The following CTNND2 variants were observed in gnomAD, a reference collection of about 807,000 sequenced individuals.
CTNND2 encodes catenin delta-2.
In CTNND2, 22 loss-of-function variants were observed where a neutral mutation model predicts 144.4. That is an observed-to-expected ratio of 0.15 (90% CI 0.11 to 0.22). The LOEUF is 0.22. Among genes scored for constraint, CTNND2 ranks in the 10% least tolerant of loss-of-function variants. The probability of loss-of-function intolerance (pLI) is 1.00; values close to 1 mark genes in which losing one functional copy is unlikely to be tolerated. For missense variants in CTNND2, 1,353 were observed against 1,618.8 expected (o/e 0.84, Z 2.82); for synonymous variants, 751 against 695.6 (o/e 1.08, Z -1.25).
intron 9 of CTNND2, among the ~76,000 whole-genome samples, chr5:11,263,684 C>A (rs1561117128): frequency 6.6e-6 from 1 of 152,166 alleles, no homozygotes; most frequent in South Asian, 2.1e-4. Flanking sequence ...CCAGTATGAG[C>A]CTTGAATTCA....
intron 16 of CTNND2, among the ~76,000 whole-genome samples, chr5:11,079,414 G>A (rs996725375): frequency 1.3e-5 from 2 of 152,180 alleles, no homozygotes; most frequent in Admixed American, 1.3e-4. Context: ...AACACCAGAT[G>A]CCTACCAGCC....
intron 2 of CTNND2, among the ~76,000 whole-genome samples, chr5:11,616,530 C>G (rs1386992322): frequency 6.6e-6 from 1 of 151,858 alleles, no homozygotes; most frequent in Non-Finnish European, 1.5e-5. Flanking sequence ...TTCCTTGCTT[C>G]CTTCCTTCCT....
At chr5:11,870,621 G>A (rs1307962928) in intron 1 of CTNND2, among the ~76,000 whole-genome samples, 4 of 152,220 alleles carry the variant, frequency 2.6e-5, no homozygotes, top group Non-Finnish European at 5.9e-5. Flanking sequence ...CTTTTACAGA[G>A]CAAAGCAAGA....
intron 18 of CTNND2, among the ~76,000 whole-genome samples, chr5:11,017,562 A>G (rs1286608933): frequency 7.0e-6 from 1 of 142,890 alleles, no homozygotes; most frequent in Admixed American, 7.0e-5. Context: ...AGATATATAT[A>G]CATATATATA....
intron 3 of CTNND2, among the ~76,000 whole-genome samples, chr5:11,525,041 T>C (rs987134459): frequency 6.6e-6 from 1 of 152,216 alleles, no homozygotes; most frequent in East Asian, 1.9e-4. Context: ...AAGCAGGCTG[T>C]CTGAAGAAGC....
intron 1 of CTNND2, among the ~76,000 whole-genome samples, chr5:11,747,698 C>A (rs1329766754): frequency 1.3e-5 from 2 of 152,078 alleles, no homozygotes; most frequent in Non-Finnish European, 2.9e-5. Flanking sequence ...AGATTTACAT[C>A]ATAAAATCTG....
At chr5:10,982,091 G>C (rs1353710690) in intron 20 of CTNND2, among the ~76,000 whole-genome samples, 3 of 152,158 alleles carry the variant, frequency 2.0e-5, no homozygotes, top group Non-Finnish European at 4.4e-5. Flanking sequence ...CACAGACAGG[G>C]TCAGGGCAGA....
intron 3 of CTNND2, among the ~76,000 whole-genome samples, chr5:11,512,026 T>G (rs553018959): frequency 6.6e-6 from 1 of 152,302 alleles, no homozygotes; most frequent in East Asian, 1.9e-4. Flanking sequence ...ACTCCTTTAT[T>G]CATTCGAATT....
chr5:11,513,229 C>T (rs575128673), intron 3 of CTNND2, among the ~76,000 whole-genome samples: 11 of 152,246 alleles, frequency 7.2e-5, no homozygotes, highest in South Asian at 2.1e-4. Context: ...AGCTGCAAGA[C>T]GGTGCATGGG....
intron 1 of CTNND2, among the ~76,000 whole-genome samples, chr5:11,775,315 A>G (rs1790191374): frequency 6.6e-6 from 1 of 152,224 alleles, no homozygotes; most frequent in Non-Finnish European, 1.5e-5. Context: ...TATTAGCTAC[A>G]GGACCTTGGA....
intron 9 of CTNND2, among the ~76,000 whole-genome samples, chr5:11,307,619 A>C (rs929615140): frequency 2.6e-5 from 4 of 152,210 alleles, no homozygotes; most frequent in African/African-American, 9.6e-5. Context: ...GGGCTCATGA[A>C]ACAATTTTCT....
chr5:11,477,401 T>C (rs1031135609), intron 3 of CTNND2, among the ~76,000 whole-genome samples: 2 of 150,606 alleles, frequency 1.3e-5, no homozygotes, highest in African/African-American at 4.9e-5. Flanking sequence ...TTTGGTGGTG[T>C]TGTTTTTGTT....
chr5:11,532,727 C>A (rs1230085186), intron 3 of CTNND2, among the ~76,000 whole-genome samples: 1 of 151,990 alleles, frequency 6.6e-6, no homozygotes, highest in Non-Finnish European at 1.5e-5. Flanking sequence ...TCAAGAAGGG[C>A]CTTAAAGAAA....
In CTNND2 at chr5:11,742,512, C is replaced by G. The variant is rs190159124; in HGVS notation, c.38-10240G>C. Among the ~76,000 whole-genome samples the G allele has an allele frequency of 9.2e-5, 14 of 152,112 alleles. No homozygotes were observed. The East Asian group carries it at 1.9e-3, about 21-fold the overall frequency. On this transcript the variant is annotated intron_variant, in intron 1 of 21. Coordinates refer to ENST00000304623, the MANE Select transcript of CTNND2 (RefSeq NM_001332.4). ...CTTCCATTTCTTTCAGAGAATACCC[C>G]CCTCCCTGTTCTTGATCCTATGTTC...
At chr5:11,072,960 T>C (rs958357552) in intron 16 of CTNND2, among the ~76,000 whole-genome samples, 1 of 152,254 alleles carries the variant, frequency 6.6e-6, no homozygotes, top group African/African-American at 2.4e-5. Context: ...GCCCATCTGA[T>C]TGATGGCACC....
intron 21 of CTNND2, among the ~76,000 whole-genome samples, chr5:10,975,712 G>A (rs1400286377): frequency 2.0e-5 from 3 of 152,300 alleles, no homozygotes; most frequent in East Asian, 3.9e-4. Flanking sequence ...TAAGAAAGTC[G>A]GTGGACAAAA....
intron 9 of CTNND2, among the ~76,000 whole-genome samples, chr5:11,320,003 G>A (rs543325093): frequency 6.6e-6 from 1 of 152,262 alleles, no homozygotes; most frequent in African/African-American, 2.4e-5. Flanking sequence ...ATATACACAG[G>A]CACTGAGCTG....
At chr5:11,507,895 C>G (rs1561490832) in intron 3 of CTNND2, among the ~76,000 whole-genome samples, 1 of 152,086 alleles carries the variant, frequency 6.6e-6, no homozygotes, top group Admixed American at 6.5e-5. Context: ...TTCCAAAATA[C>G]TCGGTGGGAA....
At chr5:11,164,637 C>T (rs1414978158) in intron 11 of CTNND2, among the ~76,000 whole-genome samples, 4 of 152,134 alleles carry the variant, frequency 2.6e-5, no homozygotes, top group South Asian at 2.1e-4. Context: ...TCCTTTGTGT[C>T]GCAGATCCCT....
Sources: allele counts gnomAD v4.1 joint callset (sites outside exome capture counted in the v4.1 genomes callset), GRCh38; gene constraint gnomAD v4.1.1; transcripts MANE v1.5; gene names NCBI Gene and HGNC (gene_info 2026-07-23, HGNC 2026-07-21).